ILF2: variants seen among roughly 807,000 people sequenced by gnomAD.
ILF2 encodes the protein interleukin enhancer-binding factor 2.
In ILF2, 9 loss-of-function variants were observed where a neutral mutation model predicts 55.3. The ratio of observed to expected loss-of-function variants is 0.16; its 90% CI spans 0.10 to 0.28. The LOEUF is 0.28. Ranked by LOEUF, ILF2 falls within the 10% of genes least tolerant of loss-of-function variation. The pLI is 1.00. For missense variants in ILF2, 266 were observed against 474.9 expected, an observed-to-expected ratio of 0.56 and a Z score of 4.09; for synonymous variants, 151 against 161.8, an observed-to-expected ratio of 0.93 and a Z score of 0.50.
chr1:153,663,244 T>C lies in ILF2; in HGVS notation c.777A>G (p.Arg259=). 2 of 1,614,184 alleles carry C rather than the reference T, an allele frequency of 1.2e-6. No homozygotes were observed. The highest frequency in any genetic ancestry group is 2.7e-5 in the African/African-American group (2 of 75,038). ...GHYAVMNNPT[R]QPLALNVAYR... is the part of the protein sequence containing the mutation. ...ATGCAACGTTTAGGGCCAAAGGCTG[T>C]CTGGTGGGGTTGTTCATCACAGCAT... The change falls in exon 11 of 14, where the codon AGA becomes AGG. Residue 259 remains arginine (R), a synonymous_variant. Coordinates refer to ENST00000361891, the MANE Select transcript of ILF2 (RefSeq NM_004515.4).
chr1:153,666,893 G>A (rs1669321746), intron 6 of ILF2, among the ~76,000 whole-genome samples: 2 of 152,126 alleles, frequency 1.3e-5, no homozygotes, highest in African/African-American at 2.4e-5. Flanking sequence ...AGGCCAAGGC[G>A]GGCGGATCAC....
rs1669345489 is a variant in ILF2 at position 153,667,616 on chromosome 1, C to T, written c.333G>A (p.Gly111=). The T allele has an allele frequency of 1.9e-6, 3 of 1,613,110 alleles. No individual in the cohort carries two copies. In the African/African-American group the frequency reaches 4.0e-5, roughly 22 times the overall value. ...EVRQVGSYKK[G]TMTTGHNVAD... ...CCACATTGTGTCCTGTAGTCATTGT[C>T]CCCTTTTTATAGGATCCCACCTGTC... Residue 111 remains glycine, a synonymous_variant, in exon 6 of 14, where the codon GGG becomes GGA. Transcript: ENST00000361891.
At position 153,665,346 on chromosome 1, in the gene ILF2, C is replaced by G. The variant is rs763353373; in HGVS notation, c.461-10G>C. ...GTCAGCATGGTTAAAACTGAAAAAA[C>G]AGAATAAACAAAAACTATAACTCAC... On this transcript the variant is annotated splice_polypyrimidine_tract_variant and intron_variant, in intron 7 of 13. Transcript: ENST00000361891. The G allele has an allele frequency of 6.5e-7, 1 of 1,527,342 alleles. No homozygotes were observed. Among genetic ancestry groups the G allele is most frequent in the African/African-American group, 1.4e-5 (1 of 73,152 alleles). 94.6% of individuals were successfully genotyped at this position (1,527,342 alleles called of 1,614,324 possible).
intron 10 of ILF2, 45 bp downstream of exon 10, chr1:153,663,980 CTACTACTACTACTACTAG>C: frequency 1.2e-6 from 1 of 823,504 alleles, no homozygotes; most frequent in Non-Finnish European, 2.0e-6. Flanking sequence ...ACTACTACTA[CTACTACTACTACTACTAG>C]TAAATAAGGA....
At chr1:153,669,935 A>T in intron 2 of ILF2, 57 bp from the exon 3 acceptor site, 1 of 1,398,976 alleles carries the variant, frequency 7.1e-7, no homozygotes, top group Non-Finnish European at 1.0e-6. Flanking sequence ...CGAGATGTAA[A>T]TAACACGCCA....
intron 3 of ILF2, 93 bp downstream of exon 3, chr1:153,669,743 C>A: frequency 9.1e-7 from 1 of 1,104,046 alleles, no homozygotes; most frequent in Non-Finnish European, 1.4e-6. Context: ...TGTCTGCCCT[C>A]TTCAACCACC....
chr1:153,663,302 G>A (rs1421489175), intron 10 of ILF2, 26 bp from the exon 11 acceptor site: 1 of 1,608,932 alleles, frequency 6.2e-7, no homozygotes, highest in South Asian at 1.1e-5. Context: ...TCCAGTAGGT[G>A]TGCCATCAAA....
At chr1:153,663,411 C>T (rs1193040613) in intron 10 of ILF2, 135 bp from the exon 11 acceptor site, 16 of 786,642 alleles carry the variant, frequency 2.0e-5, no homozygotes, top group African/African-American at 1.0e-4. Context: ...TCACTGTAAC[C>T]GCGAACTCCT....
intron 7 of ILF2, 71 bp downstream of exon 7, chr1:153,665,592 G>C (rs1387366454): frequency 7.8e-7 from 1 of 1,285,310 alleles, no homozygotes; most frequent in East Asian, 2.3e-5. Flanking sequence ...TGATTTTGTT[G>C]AAAGTGTACT....
intron 3 of ILF2, 113 bp downstream of exon 3, chr1:153,669,723 T>C (rs1669397102): frequency 1.1e-6 from 1 of 879,478 alleles, no homozygotes; most frequent in Admixed American, 1.8e-5. Flanking sequence ...ATTACAGGCG[T>C]GAGGCACTGT....
chr1:153,665,660 A>C lies in ILF2; in HGVS notation c.460+3T>G. On this transcript the variant is annotated splice_donor_region_variant and intron_variant, in intron 7 of 13. Transcript: ENST00000361891. ...AAATACAGAATCAGCAACAAATGCA[A>C]ACCTTCAGAAGGATCCTGTGCTCTT... is the stretch of plus-strand genomic sequence containing the variant. 2 of 1,613,188 alleles carry C rather than the reference A, an allele frequency of 1.2e-6. No individual in the cohort carries two copies. The highest frequency in any genetic ancestry group is 1.7e-6 in the Non-Finnish European group (2 of 1,179,100).
At chr1:153,668,157 C>T in intron 4 of ILF2, 80 bp from the exon 5 acceptor site, 2 of 1,089,662 alleles carry the variant, frequency 1.8e-6, no homozygotes, top group Admixed American at 2.1e-5. Context: ...TCTCCTAATC[C>T]CTTCCATACA....
At chr1:153,663,165 G>A in intron 11 of ILF2, 32 bp from the exon 12 acceptor site, 6 of 1,613,480 alleles carry the variant, frequency 3.7e-6, no homozygotes, top group Non-Finnish European at 5.1e-6. Context: ...GGTATTAAAG[G>A]AATGCACAAA....
At position 153,663,207 on chromosome 1, in the gene ILF2, T is replaced by C. The variant is rs372120147; in HGVS notation, c.806+8A>G. The C allele has an allele frequency of 9.7e-5, 157 of 1,614,026 alleles. No individual in the cohort carries two copies. The highest frequency in any genetic ancestry group is 1.6e-4 in the Middle Eastern group (1 of 6,084). Reference sequence around the variant, plus strand: ...TACAACCAACCCTAAACCCAAAGCATGCTGTACCTGTATGCAACGTTTAGG... The same window carrying C: ...TACAACCAACCCTAAACCCAAAGCACGCTGTACCTGTATGCAACGTTTAGG... On this transcript the variant is annotated splice_region_variant and intron_variant, in intron 11 of 13. Transcript: ENST00000361891.
chr1:153,663,357 C>T, intron 10 of ILF2, 81 bp from the exon 11 acceptor site: 2 of 1,305,468 alleles, frequency 1.5e-6, no homozygotes, highest in Non-Finnish European at 2.2e-6. Flanking sequence ...GAGACAGGGC[C>T]TCACTTTGTC....
chr1:153,662,923 T>C, intron 12 of ILF2, 96 bp downstream of exon 12: 25 of 1,338,624 alleles, frequency 1.9e-5, no homozygotes, highest in Non-Finnish European at 2.7e-5. Flanking sequence ...AATCCCCAAA[T>C]TCCTGACCCG....
intron 3 of ILF2, among the ~76,000 whole-genome samples, chr1:153,669,396 A>G (rs1669388934): frequency 6.6e-6 from 1 of 152,102 alleles, no homozygotes; most frequent in South Asian, 2.1e-4. Flanking sequence ...TATTCTCCCC[A>G]CCATGCTTAC....
chr1:153,665,631 T>C (rs960817211), intron 7 of ILF2, 32 bp downstream of exon 7: 6 of 1,560,324 alleles, frequency 3.8e-6, no homozygotes, highest in Admixed American at 1.7e-5. Flanking sequence ...TTCCTATGGC[T>C]ACTAAATACA....
In ILF2 at chr1:153,662,718, C is replaced by T. The variant is rs189788615; in HGVS notation, c.999G>A (p.Glu333=). The T allele has an allele frequency of 2.9e-4, 470 of 1,614,182 alleles. 6 individuals carry two copies. In the East Asian group the frequency reaches 7.1e-3, roughly 24 times the overall value. The part of the protein sequence containing the change: ...HGGFRKILGQ[E]GDASYLASEI... ...GTGGTCACTCACAGCTGGCATCACC[C>T]TCCTGGCCAAGGATCTTCCTAAAGC... The change falls in exon 13 of 14, where the codon GAG becomes GAA. Residue 333 remains glutamate (E), a synonymous_variant. Coordinates refer to ENST00000361891, the MANE Select transcript of ILF2 (RefSeq NM_004515.4).
Sources: allele counts gnomAD v4.1 joint callset (sites outside exome capture counted in the v4.1 genomes callset), GRCh38; gene constraint gnomAD v4.1.1; transcripts MANE v1.5; gene names NCBI Gene and HGNC (gene_info 2026-07-23, HGNC 2026-07-21).